The following GLIS3 variants were observed in gnomAD, a reference collection of about 807,000 sequenced individuals.
GLIS3 encodes GLIS family zinc finger 3, also known as zinc finger protein GLIS3.
Under a neutral mutation model 78.6 loss-of-function variants are expected in GLIS3, and 53 were observed. The ratio of observed to expected loss-of-function variants is 0.67; its 90% CI spans 0.54 to 0.85. GLIS3 has a LOEUF of 0.85. Ranked by LOEUF, GLIS3 falls within the 40% of genes least tolerant of loss-of-function variation. The pLI, the probability that GLIS3 is intolerant of heterozygous loss-of-function variation, is 0.00. For synonymous variants in GLIS3, 684 were observed against 509.9 expected (o/e 1.34, Z -4.60); for missense variants, 1,703 against 1,231.1 (o/e 1.38, Z -5.74).
chr9:4,344,055 C>G (rs532668774), intron 2 of GLIS3, among the ~76,000 whole-genome samples: 1 of 152,268 alleles, frequency 6.6e-6, no homozygotes, highest in East Asian at 1.9e-4. Context: ...CACATGTACT[C>G]CCTAAACCTA....
At chr9:4,342,355 G>C (rs371393688) in intron 2 of GLIS3, among the ~76,000 whole-genome samples, 25 of 152,114 alleles carry the variant, frequency 1.6e-4, no homozygotes, top group Admixed American at 1.2e-3. Context: ...TGCTTTCATC[G>C]CTTTCCCCAT....
chr9:3,846,814 G>A (rs550954034), intron 9 of GLIS3, among the ~76,000 whole-genome samples: 1 of 152,304 alleles, frequency 6.6e-6, no homozygotes, highest in African/African-American at 2.4e-5. Flanking sequence ...TTACCTCAAT[G>A]TGTAAGTGAA....
intron 4 of GLIS3, among the ~76,000 whole-genome samples, chr9:3,938,352 G>T (rs1826009670): frequency 6.6e-6 from 1 of 152,142 alleles, no homozygotes; most frequent in Admixed American, 6.5e-5. Context: ...AGTTCCAGAT[G>T]GTTCCCATTC....
the GLIS3 span, among the ~76,000 whole-genome samples, chr9:4,419,366 C>T: frequency 8.9e-3 from 1,362 of 152,264 alleles, 28 homozygotes; most frequent in African/African-American, 0.031. Flanking sequence ...CACCGTTCTG[C>T]AGGCTGTACA....
At chr9:3,899,182 T>C (rs1396029368) in intron 6 of GLIS3, among the ~76,000 whole-genome samples, 1 of 152,180 alleles carries the variant, frequency 6.6e-6, no homozygotes, top group African/African-American at 2.4e-5. Flanking sequence ...GTAGATTTAG[T>C]CCATCTTGGA....
At chr9:4,008,074 A>C (rs766878619) in intron 4 of GLIS3, among the ~76,000 whole-genome samples, 2 of 152,112 alleles carry the variant, frequency 1.3e-5, no homozygotes, top group Non-Finnish European at 2.9e-5. Context: ...AGTTTCTTAG[A>C]TTCTATCTAA....
At chr9:4,462,041 G>A in the GLIS3 span, among the ~76,000 whole-genome samples, 1 of 152,166 alleles carries the variant, frequency 6.6e-6, no homozygotes, top group Non-Finnish European at 1.5e-5. Flanking sequence ...ATAGCAAGAA[G>A]AGTACACGAA....
chr9:4,188,940 C>G (rs201827134), intron 2 of GLIS3, among the ~76,000 whole-genome samples: 2 of 152,058 alleles, frequency 1.3e-5, no homozygotes, highest in African/African-American at 4.8e-5. Context: ...ATCCTTTCAA[C>G]AAACCAGCTC....
At chr9:4,278,383 T>A (rs947028124) in intron 2 of GLIS3, among the ~76,000 whole-genome samples, 1 of 152,174 alleles carries the variant, frequency 6.6e-6, no homozygotes, top group East Asian at 1.9e-4. Flanking sequence ...AAAGTGAGCC[T>A]AGAACATCTT....
At chr9:4,061,932 C>A (rs184053022) in intron 4 of GLIS3, among the ~76,000 whole-genome samples, 1 of 152,262 alleles carries the variant, frequency 6.6e-6, no homozygotes, top group Non-Finnish European at 1.5e-5. Flanking sequence ...GAGATCTGAG[C>A]TTCTTTAAGT....
At chr9:4,040,708 G>C (rs1337584349) in intron 4 of GLIS3, among the ~76,000 whole-genome samples, 1 of 152,176 alleles carries the variant, frequency 6.6e-6, no homozygotes, top group Non-Finnish European at 1.5e-5. Flanking sequence ...ATAAAAGATG[G>C]AGAAAAGGAG....
the GLIS3 span, among the ~76,000 whole-genome samples, chr9:4,359,567 G>A: frequency 6.6e-6 from 1 of 152,194 alleles, no homozygotes; most frequent in African/African-American, 2.4e-5. Flanking sequence ...AGGGGCAACA[G>A]ACCCACTAAA....
At chr9:4,068,182 T>C (rs1222651135) in intron 4 of GLIS3, among the ~76,000 whole-genome samples, 2 of 152,126 alleles carry the variant, frequency 1.3e-5, no homozygotes, top group Non-Finnish European at 1.5e-5. Context: ...CTGTAAAAAC[T>C]TAAGGCAAAT....
At chr9:4,309,870 T>C (rs74793210) in intron 3 of GLIS3, among the ~76,000 whole-genome samples, 11,209 of 152,046 alleles carry the variant, frequency 0.074, 434 homozygotes, top group African/African-American at 0.1. Flanking sequence ...TGTATTAGAG[T>C]ACAATAAAAT....
chr9:4,258,752 G>A (rs1278725230), intron 2 of GLIS3, among the ~76,000 whole-genome samples: 1 of 152,112 alleles, frequency 6.6e-6, no homozygotes, highest in Non-Finnish European at 1.5e-5. Context: ...TTAATTGCTA[G>A]CTACATGGGT....
intron 2 of GLIS3, among the ~76,000 whole-genome samples, chr9:4,152,673 C>G (rs1834769621): frequency 6.6e-6 from 1 of 152,098 alleles, no homozygotes; most frequent in Non-Finnish European, 1.5e-5. Flanking sequence ...TAAAATTCAA[C>G]AGAATCCACT....
At chr9:4,432,051 G>A in the GLIS3 span, among the ~76,000 whole-genome samples, 2 of 152,088 alleles carry the variant, frequency 1.3e-5, no homozygotes, top group African/African-American at 2.4e-5. Flanking sequence ...ACAGTTTGCC[G>A]ACTTCTGCTC....
intron 6 of GLIS3, chr9:3,900,827 T>C (rs1823239029): frequency 6.6e-6 from 1 of 152,154 alleles, no homozygotes; most frequent in African/African-American, 2.4e-5. Context: ...TTCTGCTTTC[T>C]GTAAGGTCCT....
chr9:4,473,791 AAAAT>A, the GLIS3 span, among the ~76,000 whole-genome samples: 13 of 152,252 alleles, frequency 8.5e-5, no homozygotes, highest in South Asian at 2.1e-4. Flanking sequence ...AAGTTAAATA[AAAAT>A]AAATAAATAA....
Sources: allele counts gnomAD v4.1 joint callset (sites outside exome capture counted in the v4.1 genomes callset), GRCh38; gene constraint gnomAD v4.1.1; transcripts MANE v1.5; gene names NCBI Gene and HGNC (gene_info 2026-07-23, HGNC 2026-07-21).